Variants in GRK5 observed in about 807,000 individuals in gnomAD.
The protein encoded by GRK5 is g protein-coupled receptor kinase GRK5.
Under a neutral mutation model 78.4 loss-of-function variants are expected in GRK5, and 40 were observed. That is an observed-to-expected ratio of 0.51 (90% CI 0.40 to 0.66). The LOEUF (loss-of-function observed/expected upper bound fraction) is 0.66. Among genes scored for constraint, GRK5 ranks in the 30% least tolerant of loss-of-function variants. The pLI is 0.00. For missense variants in GRK5, 598 were observed against 759.9 expected, an observed-to-expected ratio of 0.79 and a Z score of 2.50; for synonymous variants, 289 against 296.8, an observed-to-expected ratio of 0.97 and a Z score of 0.27.
At chr10:119,371,549 G>C (rs1246505580) in intron 2 of GRK5, among the ~76,000 whole-genome samples, 1 of 152,214 alleles carries the variant, frequency 6.6e-6, no homozygotes, top group Non-Finnish European at 1.5e-5. Context: ...TGAACCTCGG[G>C]CATGTGCTGG....
At chr10:119,216,417 G>T (rs1009771310) in intron 1 of GRK5, among the ~76,000 whole-genome samples, 15 of 152,288 alleles carry the variant, frequency 9.8e-5, no homozygotes, top group African/African-American at 3.6e-4. Context: ...CTGGTGCCTC[G>T]GCTTCCCTGA....
rs1322684924 is a variant in GRK5, at chr10:119,431,639, G to T, written c.738+112G>T. On this transcript the variant is annotated intron_variant, in intron 8 of 15. Transcript: ENST00000392870. The surrounding 1 kb of genome is among the most constrained non-coding windows in gnomAD (Gnocchi z 4.8). ...CGGCCGGTCCCCACCCCTGGGAAGGGGAATGCCAGTGGCAGCGCTGAGCTA... is the reference window on the plus strand; with the variant it reads ...CGGCCGGTCCCCACCCCTGGGAAGGTGAATGCCAGTGGCAGCGCTGAGCTA... 4.2e-5 allele frequency: 54 copies of T among 1,299,800 alleles called. No individual in the cohort carries two copies. Among genetic ancestry groups the T allele is most frequent in the Non-Finnish European group, 5.7e-5 (54 of 951,944 alleles). The allele number at this position is 1,299,800 out of a possible 1,614,324, so 80.5% of individuals were successfully genotyped here. A position where few individuals can be genotyped will look rare whatever the true frequency, so the allele number is the denominator to read the frequency against.
chr10:119,315,672 G>T (rs1850473368), intron 1 of GRK5, among the ~76,000 whole-genome samples: 2 of 152,334 alleles, frequency 1.3e-5, no homozygotes, highest in African/African-American at 2.4e-5. Flanking sequence ...GGGTAGAAAA[G>T]AACTGGATGG....
At chr10:119,367,681 C>T (rs1851471147) in intron 2 of GRK5, among the ~76,000 whole-genome samples, 1 of 152,242 alleles carries the variant, frequency 6.6e-6, no homozygotes, top group Admixed American at 6.5e-5. Flanking sequence ...TGGGAATGGC[C>T]TCACAGCATG....
chr10:119,430,378 A>G lies in GRK5; in HGVS notation c.537A>G (p.Gln179=), dbSNP rs375766891. ...RFLQWKWLER[Q]PVTKNTFRQY... Reference sequence around the variant, plus strand: ...GTGGGATTCTTCTTTCTTCCAGGCAACCGGTGACCAAAAACACTTTCAGGC... The same window carrying G: ...GTGGGATTCTTCTTTCTTCCAGGCAGCCGGTGACCAAAAACACTTTCAGGC... The change falls in exon 7 of 16, where the codon CAA becomes CAG. Residue 179 remains glutamine, a synonymous_variant. Coordinates refer to ENST00000392870, the MANE Select transcript of GRK5 (RefSeq NM_005308.3). This position sits in a 1 kb window ranked among gnomAD's most constrained non-coding sequence, Gnocchi z 4.5. 6.2e-7 allele frequency: 1 copy of G among 1,613,620 alleles called. No homozygotes were observed. The highest frequency in any genetic ancestry group is 1.3e-5 in the African/African-American group (1 of 74,912).
intron 5 of GRK5, 73 bp from the exon 6 acceptor site, chr10:119,424,920 T>C: frequency 9.3e-7 from 1 of 1,077,014 alleles, no homozygotes; most frequent in East Asian, 2.4e-5. Context: ...TTTCCAAAGC[T>C]GGACACAGCT....
In GRK5 at chr10:119,217,176, AAG is replaced by A. The variant is rs1258668697; in HGVS notation, c.52+9210_52+9211del. On this transcript the variant is annotated intron_variant, in intron 1 of 15. Coordinates refer to ENST00000392870, the MANE Select transcript of GRK5 (RefSeq NM_005308.3). This position sits in a 1 kb window ranked among gnomAD's most constrained non-coding sequence, Gnocchi z 4.1. ...CATGAGGTTGTAATTGTGGAAGAGAAAGAGTGTCTTTGTCAGATTCCCTGGGA... is the reference window on the plus strand; with the variant it reads ...CATGAGGTTGTAATTGTGGAAGAGAAAGTGTCTTTGTCAGATTCCCTGGGA... Among the ~76,000 whole-genome samples, 2 of 152,226 alleles carry A rather than the reference AAG, an allele frequency of 1.3e-5. No individual in the cohort carries two copies. The highest frequency in any genetic ancestry group is 6.5e-5 in the Admixed American group (1 of 15,278).
At chr10:119,372,862 G>A (rs1186598017) in intron 2 of GRK5, among the ~76,000 whole-genome samples, 4 of 152,232 alleles carry the variant, frequency 2.6e-5, no homozygotes, top group Admixed American at 2.6e-4. Context: ...GCTCATCTCC[G>A]AGCTTGGTGT....
chr10:119,232,326 G>A (rs1198309597), intron 1 of GRK5, among the ~76,000 whole-genome samples: 2 of 152,202 alleles, frequency 1.3e-5, no homozygotes, highest in East Asian at 3.8e-4. Flanking sequence ...TAGAGGCTGG[G>A]AAGGGTAGGG....
At chr10:119,258,480 G>C (rs1849322354) in intron 1 of GRK5, among the ~76,000 whole-genome samples, 1 of 152,228 alleles carries the variant, frequency 6.6e-6, no homozygotes, top group Admixed American at 6.5e-5. Flanking sequence ...GTAGGTGTAT[G>C]TTTAATTTTA....
At chr10:119,352,646 T>G (rs1851203806) in intron 2 of GRK5, among the ~76,000 whole-genome samples, 2 of 152,184 alleles carry the variant, frequency 1.3e-5, no homozygotes, top group African/African-American at 2.4e-5. Context: ...ATTTATTTGG[T>G]GTTTAATTGG....
chr10:119,219,801 C>T (rs897256719), intron 1 of GRK5, among the ~76,000 whole-genome samples: 23 of 152,314 alleles, frequency 1.5e-4, no homozygotes, highest in Non-Finnish European at 2.8e-4. Context: ...AAACAGTTCT[C>T]CCCATTTCTG....
rs937323480 is a variant in GRK5 at position 119,271,230 on chromosome 10, C to T, written c.53-55286C>T. ...AGCCACATCCTCCACGCCCTTTGGG[C>T]GCTGGTCATTCAGAGAGGCCCTCTC... On this transcript the variant is annotated intron_variant, in intron 1 of 15. Transcript: ENST00000392870. The surrounding 1 kb of genome is among the most constrained non-coding windows in gnomAD (Gnocchi z 4.1). Among the ~76,000 whole-genome samples, 2 of 152,166 alleles carry T rather than the reference C, an allele frequency of 1.3e-5. No homozygotes were observed. Among genetic ancestry groups the T allele is most frequent in the African/African-American group, 2.4e-5 (1 of 41,442 alleles).
Position 119,253,865 on chromosome 10 carries a change from TGTG to T in GRK5, c.52+45897_52+45899del, listed in dbSNP as rs1849240379. 6.6e-6 allele frequency among the ~76,000 whole-genome samples: 1 copy of T among 152,016 alleles called. No individual in the cohort carries two copies. Among genetic ancestry groups the T allele is most frequent in the Non-Finnish European group, 1.5e-5 (1 of 67,998 alleles). On this transcript the variant is annotated intron_variant, in intron 1 of 15. Transcript: ENST00000392870. The surrounding 1 kb of genome is among the most constrained non-coding windows in gnomAD (Gnocchi z 5.7). ...CCCCAGGGGTGTGTGTGTGTGTGTG[TGTG>T]TGTGTACACATGTGTGTGCGTGCAT...
intron 1 of GRK5, among the ~76,000 whole-genome samples, chr10:119,227,294 C>T (rs566935947): frequency 2.6e-5 from 4 of 152,180 alleles, no homozygotes; most frequent in East Asian, 3.9e-4. Context: ...AGGCTGGGCA[C>T]GGTGGCTCAT....
At chr10:119,401,851 G>A (rs1408884170) in intron 4 of GRK5, among the ~76,000 whole-genome samples, 3 of 152,198 alleles carry the variant, frequency 2.0e-5, no homozygotes, top group African/African-American at 7.2e-5. Context: ...CAGTCAGGAT[G>A]ATTTATACTA....
intron 1 of GRK5, among the ~76,000 whole-genome samples, chr10:119,316,561 C>G (rs1199812909): frequency 6.6e-6 from 1 of 152,208 alleles, no homozygotes; most frequent in Non-Finnish European, 1.5e-5. Context: ...CCCTGAAGCT[C>G]TCAGGTTGGA....
At chr10:119,442,128 C>T (rs747354866) in intron 11 of GRK5, 40 bp downstream of exon 11, 2 of 1,538,898 alleles carry the variant, frequency 1.3e-6, no homozygotes, top group African/African-American at 1.4e-5. Flanking sequence ...CCTTGAGACC[C>T]ACCACCTGCT....
chr10:119,350,895 C>T (rs997428140), intron 2 of GRK5, among the ~76,000 whole-genome samples: 1 of 152,150 alleles, frequency 6.6e-6, no homozygotes, highest in African/African-American at 2.4e-5. Flanking sequence ...TTGGCTGGGC[C>T]TGCTGTCCAG....
Sources: allele counts gnomAD v4.1 joint callset (sites outside exome capture counted in the v4.1 genomes callset), GRCh38; gene constraint gnomAD v4.1.1; non-coding constraint Gnocchi (gnomAD v3.1); transcripts MANE v1.5; gene names NCBI Gene and HGNC (gene_info 2026-07-23, HGNC 2026-07-21).